The following EPHB1 variants were observed in gnomAD, a reference collection of about 807,000 sequenced individuals.
The protein encoded by EPHB1 is ephrin type-B receptor 1.
A neutral mutation model predicts 94.4 loss-of-function variants in EPHB1; 30 were observed. The observed-to-expected ratio is 0.32, with a 90% confidence interval of 0.24 to 0.43. EPHB1 has a LOEUF of 0.43. EPHB1 is among the 20% of genes least tolerant of loss of function. The pLI, the probability that EPHB1 is intolerant of heterozygous loss-of-function variation, is 1.00. For synonymous variants in EPHB1, 522 were observed against 489.1 expected (o/e 1.07, Z -0.89); for missense variants, 1,055 against 1,308.3 (o/e 0.81, Z 2.99).
At chr3:134,900,735 G>C (rs891461994) in intron 1 of EPHB1, among the ~76,000 whole-genome samples, 20 of 152,042 alleles carry the variant, frequency 1.3e-4, no homozygotes, top group African/African-American at 4.3e-4. Flanking sequence ...GTGTGTGTGA[G>C]CACAGGTGTA....
chr3:135,129,890 A>G (rs1940358828), intron 4 of EPHB1, among the ~76,000 whole-genome samples: 1 of 152,214 alleles, frequency 6.6e-6, no homozygotes, highest in Non-Finnish European at 1.5e-5. Context: ...TAGTGTGCAC[A>G]GGAAATTTCA....
At chr3:134,974,849 C>T (rs763331003) in intron 3 of EPHB1, among the ~76,000 whole-genome samples, 23 of 120,528 alleles carry the variant, frequency 1.9e-4, no homozygotes, top group Non-Finnish European at 2.9e-4. Context: ...TTTCCTGTTT[C>T]CAGCACGGGA....
intron 15 of EPHB1, among the ~76,000 whole-genome samples, chr3:135,255,744 C>T (rs1269660737): frequency 1.3e-5 from 2 of 150,140 alleles, no homozygotes; most frequent in Admixed American, 1.3e-4. Flanking sequence ...CTGCTTGGTG[C>T]AGAGCTGAGT....
chr3:135,054,070 CAT>C (rs57789518), intron 3 of EPHB1, among the ~76,000 whole-genome samples: 5 of 151,028 alleles, frequency 3.3e-5, no homozygotes, highest in South Asian at 2.1e-4. Flanking sequence ...CACACACACA[CAT>C]AGCATTATTT....
intron 5 of EPHB1, among the ~76,000 whole-genome samples, chr3:135,144,348 A>G: frequency 6.6e-6 from 1 of 152,208 alleles, no homozygotes; most frequent in South Asian, 2.1e-4. Flanking sequence ...AGCAGTTCTC[A>G]AACTTGAGAA....
intron 2 of EPHB1, among the ~76,000 whole-genome samples, chr3:134,941,752 GACACACACACAC>G (rs3067391): frequency 1.2e-3 from 164 of 134,786 alleles, no homozygotes; most frequent in Middle Eastern, 7.2e-3. Flanking sequence ...TATGCACACA[GACACACACACAC>G]ACACACACAC....
At chr3:134,890,590 A>G (rs980343045) in intron 1 of EPHB1, among the ~76,000 whole-genome samples, 55 of 152,296 alleles carry the variant, frequency 3.6e-4, no homozygotes, top group African/African-American at 9.9e-4. Context: ...CAGCTCTCCT[A>G]TATAGAGCCA....
intron 12 of EPHB1, among the ~76,000 whole-genome samples, chr3:135,204,344 C>T (rs1330669399): frequency 2.0e-5 from 3 of 152,152 alleles, no homozygotes; most frequent in Admixed American, 6.5e-5. Context: ...GCTGGGATTA[C>T]AGGCACCCAC....
intron 3 of EPHB1, among the ~76,000 whole-genome samples, chr3:135,025,294 C>T (rs1338926478): frequency 7.5e-6 from 1 of 132,874 alleles, no homozygotes; most frequent in African/African-American, 2.7e-5. Flanking sequence ...ATGTGCCATG[C>T]TGGTGTGCTG....
chr3:135,252,187 TTTTA>T (rs1933138714), intron 15 of EPHB1, among the ~76,000 whole-genome samples: 2 of 151,292 alleles, frequency 1.3e-5, no homozygotes, highest in African/African-American at 4.8e-5. Context: ...CTTAATTTTA[TTTTA>T]TTTTTATTTT....
chr3:135,061,942 G>A (rs910826326), intron 3 of EPHB1, among the ~76,000 whole-genome samples: 3 of 152,230 alleles, frequency 2.0e-5, no homozygotes, highest in Non-Finnish European at 2.9e-5. Context: ...ATTTTTTATG[G>A]CTGCATAGTA....
At chr3:135,244,731 A>G (rs1182536853) in intron 13 of EPHB1, among the ~76,000 whole-genome samples, 1 of 152,234 alleles carries the variant, frequency 6.6e-6, no homozygotes, top group African/African-American at 2.4e-5. Context: ...TTGTAATTTG[A>G]CTAAATTTTA....
At chr3:134,870,503 A>C (rs1407243380) in intron 1 of EPHB1, among the ~76,000 whole-genome samples, 1 of 152,268 alleles carries the variant, frequency 6.6e-6, no homozygotes, top group Non-Finnish European at 1.5e-5. Context: ...TAGAAAGGCC[A>C]GGAGAGAACT....
chr3:135,088,915 T>C (rs1168983332), intron 3 of EPHB1, among the ~76,000 whole-genome samples: 2 of 152,248 alleles, frequency 1.3e-5, no homozygotes, highest in Non-Finnish European at 2.9e-5. Context: ...AATTGAGCAG[T>C]TATTTCATGC....
chr3:134,990,436 G>A (rs1180515219), intron 3 of EPHB1, among the ~76,000 whole-genome samples: 1 of 152,052 alleles, frequency 6.6e-6, no homozygotes, highest in Non-Finnish European at 1.5e-5. Flanking sequence ...CTCTAACTTA[G>A]GGATGCTAGT....
chr3:134,857,852 T>A (rs1357129672), intron 1 of EPHB1, among the ~76,000 whole-genome samples: 2 of 152,216 alleles, frequency 1.3e-5, no homozygotes, highest in Non-Finnish European at 2.9e-5. Context: ...TGCTAGTGAA[T>A]CTAAGTAGGT....
chr3:135,175,241 C>A (rs1056231318), intron 9 of EPHB1, among the ~76,000 whole-genome samples: 1 of 152,178 alleles, frequency 6.6e-6, no homozygotes, highest in Non-Finnish European at 1.5e-5. Flanking sequence ...ATGTCCCAGC[C>A]TTTTCACTTT....
intron 12 of EPHB1, among the ~76,000 whole-genome samples, chr3:135,211,329 T>C (rs183155906): frequency 2.2e-4 from 33 of 152,346 alleles, no homozygotes; most frequent in African/African-American, 7.9e-4. Flanking sequence ...ATGTGTATTT[T>C]AAAGAAATCA....
At chr3:135,056,347 T>G (rs1937348560) in intron 3 of EPHB1, among the ~76,000 whole-genome samples, 1 of 152,228 alleles carries the variant, frequency 6.6e-6, no homozygotes, top group South Asian at 2.1e-4. Flanking sequence ...TCTCTCCATG[T>G]GCTTGACACA....
Sources: gnomAD v4.1 joint callset for allele counts (sites outside exome capture counted in the v4.1 genomes callset) on GRCh38, gnomAD v4.1.1 for gene constraint, MANE v1.5 for transcripts, NCBI Gene and HGNC (gene_info 2026-07-23, HGNC 2026-07-21) for gene names.